Variants in LAMA2 observed in about 807,000 individuals in gnomAD.
The protein encoded by LAMA2 is laminin subunit alpha 2.
Under a neutral mutation model 364.8 loss-of-function variants are expected in LAMA2, and 269 were observed. The observed-to-expected ratio is 0.74, with a 90% confidence interval of 0.67 to 0.82. The LOEUF (loss-of-function observed/expected upper bound fraction) is 0.82, where lower values mean the gene tolerates loss of function less well. LAMA2 is among the 40% of genes least tolerant of loss of function. The pLI is 0.00. For synonymous variants in LAMA2, 1,379 were observed against 1,370.6 expected (o/e 1.01, Z -0.14); for missense variants, 3,807 against 3,873.2 (o/e 0.98, Z 0.45).
chr6:128,962,139 C>CATATAT (rs55906092), intron 1 of LAMA2, among the ~76,000 whole-genome samples: 573 of 38,044 alleles, frequency 0.015, 20 homozygotes, highest in Middle Eastern at 0.056. Context: ...TCCTCTGGAC[C>CATATAT]ATATATATAT....
intron 1 of LAMA2, among the ~76,000 whole-genome samples, chr6:128,910,172 G>A (rs1170988368): frequency 2.0e-5 from 3 of 152,100 alleles, no homozygotes; most frequent in Non-Finnish European, 2.9e-5. Flanking sequence ...TCCTGAATCT[G>A]AACGTTGGCC....
At chr6:129,312,413 T>A (rs959972139) in intron 22 of LAMA2, among the ~76,000 whole-genome samples, 1 of 152,222 alleles carries the variant, frequency 6.6e-6, no homozygotes, top group African/African-American at 2.4e-5. Context: ...TATTATATAA[T>A]GCTTATTCTA....
chr6:129,129,799 C>T (rs544036692), intron 4 of LAMA2, among the ~76,000 whole-genome samples: 99 of 150,450 alleles, frequency 6.6e-4, no homozygotes, highest in African/African-American at 2.2e-3. Flanking sequence ...TGGCGGGCGC[C>T]TGTAGTCCCA....
chr6:129,052,694 T>C (rs963244153), intron 2 of LAMA2, among the ~76,000 whole-genome samples: 14 of 152,090 alleles, frequency 9.2e-5, no homozygotes, highest in Non-Finnish European at 1.6e-4. Flanking sequence ...CTTTTATGGG[T>C]TTGGACAAAC....
chr6:129,328,833 A>G (rs938080447), intron 29 of LAMA2, among the ~76,000 whole-genome samples: 1 of 152,212 alleles, frequency 6.6e-6, no homozygotes, highest in African/African-American at 2.4e-5. Context: ...GTGTTTATGA[A>G]TAAGATTTAT....
chr6:129,078,069 G>T (rs1326775060), intron 3 of LAMA2, among the ~76,000 whole-genome samples: 1 of 151,996 alleles, frequency 6.6e-6, no homozygotes, highest in Non-Finnish European at 1.5e-5. Flanking sequence ...CTCTACTGGG[G>T]GATAGTGATA....
chr6:129,376,674 G>A (rs187328757), intron 34 of LAMA2, among the ~76,000 whole-genome samples: 3 of 152,058 alleles, frequency 2.0e-5, no homozygotes, highest in Non-Finnish European at 4.4e-5. Context: ...TTGCCTTAAA[G>A]GTAATCTACC....
intron 58 of LAMA2, among the ~76,000 whole-genome samples, chr6:129,494,986 A>G (rs988282028): frequency 1.3e-5 from 2 of 152,226 alleles, no homozygotes; most frequent in Admixed American, 6.5e-5. Flanking sequence ...CTAATTTCTA[A>G]ATGACTAACT....
intron 39 of LAMA2, 141 bp downstream of exon 39, chr6:129,402,628 T>A: frequency 1.2e-6 from 1 of 826,372 alleles, no homozygotes; most frequent in Non-Finnish European, 2.0e-6. Context: ...TTTCTGTGGA[T>A]AGGCTTAATT....
chr6:129,259,367 C>A (rs563924944), intron 14 of LAMA2, among the ~76,000 whole-genome samples: 1 of 152,000 alleles, frequency 6.6e-6, no homozygotes, highest in South Asian at 2.1e-4. Flanking sequence ...ACCATCACTC[C>A]TGAGAAAGGA....
chr6:129,317,546 G>C (rs1774688586), intron 27 of LAMA2, among the ~76,000 whole-genome samples: 1 of 151,564 alleles, frequency 6.6e-6, no homozygotes, highest in African/African-American at 2.4e-5. Context: ...GTATTCCTTG[G>C]GTTTCCTTTT....
At chr6:129,050,215 A>AT in intron 2 of LAMA2, 127 bp downstream of exon 2, 3 of 932,512 alleles carry the variant, frequency 3.2e-6, no homozygotes, top group Non-Finnish European at 5.0e-6. Flanking sequence ...TTTACCATTA[A>AT]GAGCTTCTTC....
intron 1 of LAMA2, among the ~76,000 whole-genome samples, chr6:128,921,985 A>G (rs1778769620): frequency 6.6e-6 from 1 of 151,118 alleles, no homozygotes; most frequent in Non-Finnish European, 1.5e-5. Context: ...GTGATAGTTT[A>G]CTGAGAATGA....
At chr6:129,407,656 T>C (rs754281894) in intron 40 of LAMA2, among the ~76,000 whole-genome samples, 90 of 152,232 alleles carry the variant, frequency 5.9e-4, no homozygotes, top group Non-Finnish European at 1.1e-3. Context: ...CTAACCATTA[T>C]GTATTCCCTT....
chr6:128,971,206 A>G (rs1475436996), intron 1 of LAMA2, among the ~76,000 whole-genome samples: 2 of 152,234 alleles, frequency 1.3e-5, no homozygotes, highest in Non-Finnish European at 2.9e-5. Context: ...TGTTACACAT[A>G]TCTATAATTT....
intron 31 of LAMA2, among the ~76,000 whole-genome samples, chr6:129,349,616 A>G (rs1410076861): frequency 6.6e-6 from 1 of 151,584 alleles, no homozygotes; most frequent in Non-Finnish European, 1.5e-5. Flanking sequence ...ATTTACAATT[A>G]TCTAACTTAT....
In LAMA2 at chr6:128,916,073, T is replaced by C. The variant is rs374216676; in HGVS notation, c.112+32716T>C. On this transcript the variant is annotated intron_variant, in intron 1 of 64. Transcript: ENST00000421865. ...ACATGTTGGCTGATGTTCTCTATTA[T>C]CTAACTGCTGTGCTGTTCTTAATTG... Among the ~76,000 whole-genome samples, 5 of 152,338 alleles carry C rather than the reference T, an allele frequency of 3.3e-5. No individual in the cohort carries two copies. In the East Asian group the frequency reaches 5.8e-4, roughly 18 times the overall value.
intron 1 of LAMA2, among the ~76,000 whole-genome samples, chr6:128,917,699 C>CTT (rs113304257): frequency 4.8e-4 from 48 of 100,940 alleles, no homozygotes; most frequent in South Asian, 1.8e-3. Flanking sequence ...TGTCCTTTTT[C>CTT]TTTTTTTTTT....
intron 10 of LAMA2, among the ~76,000 whole-genome samples, chr6:129,183,401 G>A (rs952801333): frequency 3.9e-5 from 6 of 151,946 alleles, no homozygotes; most frequent in African/African-American, 1.4e-4. Flanking sequence ...GATAAATAGT[G>A]AAGTAGAAGA....
Sources: allele counts gnomAD v4.1 joint callset (sites outside exome capture counted in the v4.1 genomes callset), GRCh38; gene constraint gnomAD v4.1.1; transcripts MANE v1.5; gene names NCBI Gene and HGNC (gene_info 2026-07-23, HGNC 2026-07-21).